Variants in PALLD observed in about 807,000 individuals in gnomAD.
PALLD encodes palladin.
A neutral mutation model predicts 123.5 loss-of-function variants in PALLD; 61 were observed. The observed-to-expected ratio is 0.49, with a 90% CI of 0.40 to 0.61. The LOEUF is 0.61. PALLD is among the 20% of genes least tolerant of loss of function. The pLI is 0.00. For synonymous variants in PALLD, 465 were observed against 496.4 expected (o/e 0.94, Z 0.84); for missense variants, 1,273 against 1,377.0 (o/e 0.92, Z 1.20).
intron 10 of PALLD, among the ~76,000 whole-genome samples, chr4:168,750,578 T>A (rs1332565020): frequency 6.6e-6 from 1 of 152,212 alleles, no homozygotes; most frequent in African/African-American, 2.4e-5. Flanking sequence ...GTATGCTTTT[T>A]TCTTTGTACA....
chr4:168,820,906 T>C (rs1216817361), intron 10 of PALLD, among the ~76,000 whole-genome samples: 1 of 152,236 alleles, frequency 6.6e-6, no homozygotes, highest in Non-Finnish European at 1.5e-5. Context: ...TTGTATGTCA[T>C]ACCAGTGAAG....
intron 10 of PALLD, among the ~76,000 whole-genome samples, chr4:168,732,560 G>T (rs1787281844): frequency 6.6e-6 from 1 of 152,162 alleles, no homozygotes; most frequent in South Asian, 2.1e-4. Context: ...TTTAAAAAGT[G>T]AAAATAAACA....
chr4:168,514,025 G>C (rs1762769744), intron 2 of PALLD, among the ~76,000 whole-genome samples: 1 of 152,010 alleles, frequency 6.6e-6, no homozygotes, highest in African/African-American at 2.4e-5. Context: ...AGAATCACTT[G>C]AACCTGGGAG....
At chr4:168,639,531 A>G (rs1477311309) in intron 2 of PALLD, among the ~76,000 whole-genome samples, 1 of 149,266 alleles carries the variant, frequency 6.7e-6, no homozygotes. Context: ...ACAAAGAACT[A>G]TTGGCCATTC....
intron 1 of PALLD, among the ~76,000 whole-genome samples, chr4:168,498,082 T>C (rs1760941530): frequency 6.6e-6 from 1 of 152,182 alleles, no homozygotes; most frequent in Admixed American, 6.5e-5. Context: ...CTTCCAATGT[T>C]TTTTCTCACA....
intron 10 of PALLD, among the ~76,000 whole-genome samples, chr4:168,803,878 A>ACCCT (rs1739741954): frequency 6.6e-6 from 1 of 152,146 alleles, no homozygotes; most frequent in Non-Finnish European, 1.5e-5. Flanking sequence ...TGTCAGCAGA[A>ACCCT]GCTAATTTAC....
chr4:168,616,368 G>T (rs1001051209), intron 2 of PALLD, among the ~76,000 whole-genome samples: 7 of 152,160 alleles, frequency 4.6e-5, no homozygotes, highest in Non-Finnish European at 1.0e-4. Flanking sequence ...ATTCAGAGTA[G>T]AGTAGTTCAT....
intron 10 of PALLD, among the ~76,000 whole-genome samples, chr4:168,830,228 T>C (rs1454405557): frequency 8.5e-6 from 1 of 117,964 alleles, no homozygotes; most frequent in Non-Finnish European, 1.7e-5. Context: ...TGAGACTTTG[T>C]CTCAAAAAAA....
chr4:168,544,394 A>T (rs1013103584), intron 2 of PALLD, among the ~76,000 whole-genome samples: 1 of 152,248 alleles, frequency 6.6e-6, no homozygotes, highest in Non-Finnish European at 1.5e-5. Context: ...AGCATAGCTC[A>T]TGGTCCTGGT....
At chr4:168,501,687 C>A (rs758256612) in intron 1 of PALLD, among the ~76,000 whole-genome samples, 1 of 152,064 alleles carries the variant, frequency 6.6e-6, no homozygotes, top group African/African-American at 2.4e-5. Context: ...CCCTTCAGAG[C>A]GCCATGAGGT....
chr4:168,725,568 C>T (rs1465478787), intron 10 of PALLD, among the ~76,000 whole-genome samples: 1 of 139,970 alleles, frequency 7.1e-6, no homozygotes. Context: ...GCTCTGTTGC[C>T]CAGGCTGGAG....
chr4:168,856,357 G>A (rs755342287), intron 10 of PALLD, among the ~76,000 whole-genome samples: 1 of 152,028 alleles, frequency 6.6e-6, no homozygotes, highest in Non-Finnish European at 1.5e-5. Context: ...TTTCCTTTAG[G>A]TATATACCCA....
chr4:168,829,710 G>T (rs10030696), intron 10 of PALLD, among the ~76,000 whole-genome samples: 71,735 of 151,956 alleles, frequency 0.47, 17,926 homozygotes, highest in Non-Finnish European at 0.56. Context: ...AGCCCTAAGG[G>T]CCCTTTGACA....
intron 1 of PALLD, among the ~76,000 whole-genome samples, chr4:168,503,070 C>T (rs187120696): frequency 2.0e-5 from 3 of 150,640 alleles, no homozygotes; most frequent in Admixed American, 1.3e-4. Context: ...TTCAAACACC[C>T]GGTATTTCTT....
chr4:168,708,807 T>G (rs1196735525), intron 8 of PALLD, among the ~76,000 whole-genome samples: 1 of 152,190 alleles, frequency 6.6e-6, no homozygotes, highest in Admixed American at 6.5e-5. Context: ...GAGACTGCTC[T>G]TGTCCAACAT....
chr4:168,791,563 G>A (rs74440300), intron 10 of PALLD, among the ~76,000 whole-genome samples: 2,013 of 152,228 alleles, frequency 0.013, 32 homozygotes, highest in Admixed American at 0.046. Flanking sequence ...ACTATCACAA[G>A]AACAGCATGG....
chr4:168,814,628 A>G (rs1741649635), intron 10 of PALLD, among the ~76,000 whole-genome samples: 1 of 152,226 alleles, frequency 6.6e-6, no homozygotes, highest in Non-Finnish European at 1.5e-5. Flanking sequence ...GTCTTGGACT[A>G]GGTTCTTGAT....
rs553135492 is a variant in PALLD, at chr4:168,501,461, G to T, written c.-83+4267G>T. 3.3e-5 allele frequency among the ~76,000 whole-genome samples: 5 copies of T among 152,224 alleles called. No individual in the cohort carries two copies. In the South Asian group the frequency reaches 1.0e-3, roughly 32 times the overall value. On this transcript the variant is annotated intron_variant, in intron 1 of 21. Coordinates refer to ENST00000505667, the MANE Select transcript of PALLD (RefSeq NM_001166108.2). The stretch of plus-strand genomic sequence containing the variant: ...TATGCCCAGGGAGTTAACAAAATAG[G>T]TCACCGTGGACATTTACCTTTGAAA...
chr4:168,616,268 C>T (rs997086157), intron 2 of PALLD, among the ~76,000 whole-genome samples: 1 of 152,138 alleles, frequency 6.6e-6, no homozygotes, highest in African/African-American at 2.4e-5. Context: ...ATGCTTAAAC[C>T]TTTTCTCATT....
Sources: allele counts gnomAD v4.1 joint callset (sites outside exome capture counted in the v4.1 genomes callset), GRCh38; gene constraint gnomAD v4.1.1; transcripts MANE v1.5; gene names NCBI Gene and HGNC (gene_info 2026-07-23, HGNC 2026-07-21).